ADAP2: variants seen among roughly 807,000 people sequenced by gnomAD.
The protein encoded by ADAP2 is ArfGAP with dual PH domains 2.
ADAP2 carries 42 observed loss-of-function variants against 54.9 expected under a neutral mutation model. The ratio of observed to expected loss-of-function variants is 0.77; its 90% CI spans 0.60 to 0.99. The LOEUF (loss-of-function observed/expected upper bound fraction) is 0.99, where lower values mean the gene tolerates loss of function less well. ADAP2 is among the 50% of genes least tolerant of loss of function. The pLI, the probability that ADAP2 is intolerant of heterozygous loss-of-function variation, is 0.00. For synonymous variants in ADAP2, 177 were observed against 180.1 expected (o/e 0.98, Z 0.14); for missense variants, 429 against 480.4 (o/e 0.89, Z 1.00).
chr17:30,930,875 C>T (rs1244419919), intron 3 of ADAP2, among the ~76,000 whole-genome samples: 1 of 152,236 alleles, frequency 6.6e-6, no homozygotes. Flanking sequence ...TCACATTAAA[C>T]ACCTACTATG....
chr17:30,948,548 G>C (rs114935888), intron 6 of ADAP2, among the ~76,000 whole-genome samples: 1 of 152,014 alleles, frequency 6.6e-6, no homozygotes, highest in African/African-American at 2.4e-5. Context: ...CTCTAGCCTC[G>C]GCGACAGCAT....
At chr17:30,932,046 C>G (rs893493189) in intron 4 of ADAP2, 78 bp downstream of exon 4, 11 of 1,364,922 alleles carry the variant, frequency 8.1e-6, no homozygotes, top group South Asian at 1.2e-5. Flanking sequence ...ATATTAGGAG[C>G]AAGATCCATC....
intron 10 of ADAP2, 23 bp from the exon 11 acceptor site, chr17:30,957,812 A>G: frequency 6.2e-7 from 1 of 1,613,422 alleles, no homozygotes. Flanking sequence ...CACCTCCCTC[A>G]GCCCTCTTCA....
chr17:30,937,048 C>T (rs1911933047), intron 5 of ADAP2, among the ~76,000 whole-genome samples: 2 of 151,990 alleles, frequency 1.3e-5, no homozygotes, highest in Admixed American at 1.3e-4. Flanking sequence ...TTGCCTCAGT[C>T]TCTCGAGTAG....
intron 8 of ADAP2, 107 bp downstream of exon 8, chr17:30,953,457 A>C: frequency 8.2e-7 from 1 of 1,217,520 alleles, no homozygotes; most frequent in Non-Finnish European, 1.2e-6. Flanking sequence ...TGTTAGGCCA[A>C]GCTTGTCCAA....
chr17:30,932,230 CTTTTTT>C, intron 4 of ADAP2, among the ~76,000 whole-genome samples: 1 of 118,916 alleles, frequency 8.4e-6, no homozygotes, highest in Admixed American at 8.5e-5. Context: ...TGTACAGACT[CTTTTTT>C]TTTTTTTTTT....
intron 3 of ADAP2, among the ~76,000 whole-genome samples, chr17:30,929,686 C>T (rs1221994473): frequency 6.6e-6 from 1 of 152,010 alleles, no homozygotes; most frequent in Non-Finnish European, 1.5e-5. Flanking sequence ...CTCTCTCTCT[C>T]TTTTTTCTTT....
chr17:30,929,088 G>T (rs1044836148), intron 3 of ADAP2, among the ~76,000 whole-genome samples: 1 of 152,206 alleles, frequency 6.6e-6, no homozygotes, highest in African/African-American at 2.4e-5. Context: ...AGTGGCTGGG[G>T]AAGCACAGCT....
At chr17:30,954,414 C>A in intron 8 of ADAP2, 64 bp from the exon 9 acceptor site, 2 of 1,457,600 alleles carry the variant, frequency 1.4e-6, no homozygotes, top group South Asian at 1.1e-5. Flanking sequence ...GCTGGGCTGG[C>A]CCCTGACCTC....
chr17:30,922,456 C>G (rs1417809651), intron 1 of ADAP2, among the ~76,000 whole-genome samples: 1 of 152,260 alleles, frequency 6.6e-6, no homozygotes, highest in Non-Finnish European at 1.5e-5. Flanking sequence ...AGTCCGGGCT[C>G]TCGATGTCTG....
chr17:30,930,802 T>A (rs1371408171), intron 3 of ADAP2, among the ~76,000 whole-genome samples: 1 of 152,268 alleles, frequency 6.6e-6, no homozygotes, highest in African/African-American at 2.4e-5. Flanking sequence ...ACAATTAAAA[T>A]AACTCCACTC....
In ADAP2 at chr17:30,945,020, C is replaced by T. The variant is rs1912556011; in HGVS notation, c.624C>T (p.Thr208=). 1 of 1,614,104 alleles carries T rather than the reference C, an allele frequency of 6.2e-7. No homozygotes were observed. Among genetic ancestry groups the T allele is most frequent in the East Asian group, 2.2e-5 (1 of 44,868 alleles). The part of the protein sequence containing the change: ...LQITYRRDGH[T]RNLFVYHESG... ...TCACCTACAGGAGAGATGGCCACAC[C>T]AGGAACCTGTTTGTGTATCATGAAA... The change falls in exon 6 of 11, where the codon ACC becomes ACT. Residue 208 remains threonine, a synonymous_variant. Coordinates refer to ENST00000330889, the MANE Select transcript of ADAP2 (RefSeq NM_018404.3).
intron 4 of ADAP2, 28 bp from the exon 5 acceptor site, chr17:30,934,157 T>C (rs573251016): frequency 1.3e-6 from 2 of 1,584,600 alleles, no homozygotes; most frequent in Non-Finnish European, 1.7e-6. Context: ...TCACGTGTGT[T>C]CACGCTTTGT....
At chr17:30,940,416 T>C (rs540386073) in intron 5 of ADAP2, among the ~76,000 whole-genome samples, 8 of 152,206 alleles carry the variant, frequency 5.3e-5, no homozygotes, top group East Asian at 1.9e-4. Context: ...GTGATTGTCC[T>C]GCCTCAGCCT....
chr17:30,945,011 T>C lies in ADAP2; in HGVS notation c.615T>C (p.Asp205=), dbSNP rs1387165744. 6.2e-7 allele frequency: 1 copy of C among 1,614,094 alleles called. No homozygotes were observed. The change falls in exon 6 of 11, where the codon GAT becomes GAC. Residue 205 remains aspartate (D), a synonymous_variant. Transcript: ENST00000330889. ...PHGLQITYRR[D]GHTRNLFVYH... ...GGCTGCAGATCACCTACAGGAGAGA[T>C]GGCCACACCAGGAACCTGTTTGTGT...
At chr17:30,953,409 T>G in intron 8 of ADAP2, 59 bp downstream of exon 8, 1 of 1,540,624 alleles carries the variant, frequency 6.5e-7, no homozygotes, top group Non-Finnish European at 8.9e-7. Flanking sequence ...GAAGGTTTCA[T>G]GTGTTTATGG....
intron 5 of ADAP2, among the ~76,000 whole-genome samples, chr17:30,940,716 T>C (rs985353698): frequency 6.6e-6 from 1 of 152,228 alleles, no homozygotes; most frequent in Admixed American, 6.5e-5. Flanking sequence ...AAAATTGCCC[T>C]TGTTTGATGA....
rs533970527 is a variant in ADAP2 at position 30,941,924 on chromosome 17, C to T, written c.511-2983C>T. Among the ~76,000 whole-genome samples, 610 of 147,104 alleles carry T rather than the reference C, an allele frequency of 4.1e-3. 4 individuals are homozygous for T. The highest frequency in any genetic ancestry group is 0.015 in the African/African-American group (582 of 40,088). On this transcript the variant is annotated intron_variant, in intron 5 of 10. Coordinates refer to ENST00000330889, the MANE Select transcript of ADAP2 (RefSeq NM_018404.3). Reference sequence around the variant, plus strand: ...AAAAATCAAACTATTTTTTTTTTTTCGAGATGGAGTCTTGCTCTGTCACCA... The same window carrying T: ...AAAAATCAAACTATTTTTTTTTTTTTGAGATGGAGTCTTGCTCTGTCACCA...
intron 3 of ADAP2, among the ~76,000 whole-genome samples, chr17:30,929,947 G>A (rs183228530): frequency 1.1e-4 from 16 of 152,136 alleles, no homozygotes; most frequent in African/African-American, 1.7e-4. Flanking sequence ...CCTGAGCTGA[G>A]CTCAAGCCAT....
Sources: allele counts gnomAD v4.1 joint callset (sites outside exome capture counted in the v4.1 genomes callset), GRCh38; gene constraint gnomAD v4.1.1; transcripts MANE v1.5; gene names NCBI Gene and HGNC (gene_info 2026-07-23, HGNC 2026-07-21).